SMC2: variants seen among roughly 807,000 people sequenced by gnomAD.
SMC2 encodes structural maintenance of chromosomes protein 2.
A neutral mutation model predicts 142.6 loss-of-function variants in SMC2; 41 were observed. The observed-to-expected ratio is 0.29, with a 90% CI of 0.22 to 0.37. SMC2 has a LOEUF of 0.37. Ranked by LOEUF, SMC2 falls within the 10% of genes least tolerant of loss-of-function variation. The probability of loss-of-function intolerance (pLI) is 1.00; values close to 1 mark genes in which losing one functional copy is unlikely to be tolerated. For synonymous variants in SMC2, 463 were observed against 457.5 expected, an observed-to-expected ratio of 1.01 and a Z score of -0.15; for missense variants, 1,265 against 1,373.7, an observed-to-expected ratio of 0.92 and a Z score of 1.25.
At position 104,134,593 on chromosome 9, in the gene SMC2, T is replaced by TATATTACAA; in HGVS notation, c.3269+24_3269+25insCAAATATTA. 1 of 1,458,176 alleles carries TATATTACAA rather than the reference T, an allele frequency of 6.9e-7. No homozygotes were observed. The highest frequency in any genetic ancestry group is 9.3e-7 in the Non-Finnish European group (1 of 1,072,286). The allele number at this position is 1,458,176 out of a possible 1,614,324, so 90.3% of individuals were successfully genotyped here. ...GGTCAGAGGTGAGGAATCACTTTGC[T>TATATTACAA]ATATTATAATTTTCATTCCTCTTTA... is the stretch of plus-strand genomic sequence containing the variant. On this transcript the variant is annotated intron_variant, in intron 23 of 24. Transcript: ENST00000374793.
At position 104,100,447 on chromosome 9, in the gene SMC2, A is replaced by G. The variant is rs1212940231; in HGVS notation, c.636+14A>G. ...AAATTAAAAGAGGTATATTCTGTAT[A>G]TGTGAGGATAATCTATTAGAATGTC... On this transcript the variant is annotated intron_variant, in intron 7 of 24. Coordinates refer to ENST00000374793, the MANE Select transcript of SMC2 (RefSeq NM_006444.3). 1 of 1,425,410 alleles carries G rather than the reference A, an allele frequency of 7.0e-7. No individual in the cohort carries two copies. The allele number at this position is 1,425,410 out of a possible 1,614,324, so 88.3% of individuals were successfully genotyped here.
chr9:104,101,460 C>A (rs532091270), intron 7 of SMC2, among the ~76,000 whole-genome samples: 1 of 152,268 alleles, frequency 6.6e-6, no homozygotes, highest in South Asian at 2.1e-4. Context: ...CTTTCTAAAT[C>A]TAACAACATG....
intron 23 of SMC2, among the ~76,000 whole-genome samples, chr9:104,137,720 G>A (rs57175238): frequency 0.011 from 1,602 of 152,108 alleles, 42 homozygotes; most frequent in African/African-American, 0.037. Flanking sequence ...GAAACAAAAA[G>A]AAATTTTAAA....
At chr9:104,107,644 A>G (rs903306406) in intron 9 of SMC2, among the ~76,000 whole-genome samples, 57 of 152,172 alleles carry the variant, frequency 3.7e-4, no homozygotes, top group Non-Finnish European at 2.9e-5. Context: ...CTTCTTTTTC[A>G]TTAGTAAGTG....
chr9:104,095,425 A>T lies in SMC2; in HGVS notation c.41A>T (p.Tyr14Phe). The change falls in exon 2 of 25, where the codon TAT (tyrosine) becomes TTT (phenylalanine). Residue 14 changes from tyrosine to phenylalanine, a missense_variant. By Grantham distance (22) the Tyr-to-Phe change is conservative. Transcript: ENST00000374793. ...KSIILEGFKS[Y>F]AQRTEVNGFD... is the part of the protein sequence containing the mutation. ...ATTATTCTAGAGGGATTCAAGTCCT[A>T]TGCTCAGAGGACCGAAGTCAATGGT... is the stretch of plus-strand genomic sequence containing the variant. 6.2e-7 allele frequency: 1 copy of T among 1,613,784 alleles called. No individual in the cohort carries two copies. Among genetic ancestry groups the T allele is most frequent in the Non-Finnish European group, 8.5e-7 (1 of 1,179,918 alleles).
intron 18 of SMC2, among the ~76,000 whole-genome samples, chr9:104,126,341 A>T (rs935640900): frequency 6.6e-6 from 1 of 152,244 alleles, no homozygotes; most frequent in South Asian, 2.1e-4. Context: ...CTTTACTTCC[A>T]GTAATTCATC....
intron 21 of SMC2, among the ~76,000 whole-genome samples, chr9:104,130,725 G>A (rs1834871515): frequency 6.6e-6 from 1 of 152,088 alleles, no homozygotes; most frequent in African/African-American, 2.4e-5. Flanking sequence ...TTAAAGCTTT[G>A]CAATATGTGA....
At chr9:104,112,138 A>G (rs923410521) in intron 10 of SMC2, among the ~76,000 whole-genome samples, 11 of 152,114 alleles carry the variant, frequency 7.2e-5, no homozygotes, top group African/African-American at 2.2e-4. Flanking sequence ...CTTTTTGGCT[A>G]TTTTTATTTT....
intron 19 of SMC2, among the ~76,000 whole-genome samples, chr9:104,127,010 TA>T (rs1834377165): frequency 6.6e-6 from 1 of 150,712 alleles, no homozygotes; most frequent in African/African-American, 2.5e-5. Flanking sequence ...CCATCTACAT[TA>T]CATCTAACAA....
intron 9 of SMC2, among the ~76,000 whole-genome samples, chr9:104,105,570 G>A (rs1422109479): frequency 2.0e-5 from 3 of 152,162 alleles, no homozygotes; most frequent in African/African-American, 7.2e-5. Context: ...CAGAAGGCTT[G>A]CAGCAGTTGA....
intron 3 of SMC2, among the ~76,000 whole-genome samples, chr9:104,097,532 G>A (rs921933247): frequency 1.6e-4 from 20 of 124,862 alleles, no homozygotes; most frequent in African/African-American, 4.7e-4. Context: ...AAAAAGAAGC[G>A]TAGGCCACGT....
At position 104,137,536 on chromosome 9, in the gene SMC2, T is replaced by TTG. The variant is rs1219307639; in HGVS notation, c.3270-472_3270-471dup. 5.3e-5 allele frequency among the ~76,000 whole-genome samples: 8 copies of TTG among 152,074 alleles called. No individual in the cohort carries two copies. In the East Asian group the frequency reaches 1.5e-3, roughly 29 times the overall value. On this transcript the variant is annotated intron_variant, in intron 23 of 24. Transcript: ENST00000374793. ...CAAATGGTACCAAAAAATATATAGA[T>TTG]TGTGTGTGTGTCTGTCTGTGTGTAT...
At chr9:104,127,688 T>G (rs1172647937) in intron 20 of SMC2, among the ~76,000 whole-genome samples, 1 of 152,186 alleles carries the variant, frequency 6.6e-6, no homozygotes, top group Non-Finnish European at 1.5e-5. Context: ...AGATTTAACT[T>G]TAGATATTTT....
At chr9:104,137,280 T>C (rs1017391517) in intron 23 of SMC2, among the ~76,000 whole-genome samples, 9 of 152,138 alleles carry the variant, frequency 5.9e-5, no homozygotes, top group Admixed American at 3.3e-4. Context: ...ATTATACATA[T>C]TTTATATTAA....
At chr9:104,134,300 C>A (rs1835298362) in intron 22 of SMC2, 115 bp from the exon 23 acceptor site, 1 of 640,832 alleles carries the variant, frequency 1.6e-6, no homozygotes, top group South Asian at 3.3e-5. Context: ...TTTGTCAGCC[C>A]CTGAGTTAGA....
intron 2 of SMC2, 80 bp downstream of exon 2, chr9:104,095,632 T>A: frequency 3.8e-6 from 4 of 1,046,302 alleles, no homozygotes; most frequent in Non-Finnish European, 5.7e-6. Context: ...GTCCCGATAT[T>A]CTCTTCATTT....
intron 22 of SMC2, among the ~76,000 whole-genome samples, chr9:104,132,999 T>G (rs1835152163): frequency 6.6e-6 from 1 of 152,126 alleles, no homozygotes; most frequent in African/African-American, 2.4e-5. Context: ...ATTCTCAAAT[T>G]AATTTTCTCA....
At chr9:104,130,076 C>T (rs541459712) in intron 21 of SMC2, among the ~76,000 whole-genome samples, 2 of 151,922 alleles carry the variant, frequency 1.3e-5, no homozygotes, top group African/African-American at 4.8e-5. Flanking sequence ...GGCTTTTGTT[C>T]TTTGTCAAAC....
At chr9:104,135,740 T>A in intron 23 of SMC2, 1 of 442,946 alleles carries the variant, frequency 2.3e-6, no homozygotes, top group Non-Finnish European at 4.4e-6. Flanking sequence ...GACTTTAGAC[T>A]TCTTGTTAAA....
Sources: gnomAD v4.1 joint callset for allele counts (sites outside exome capture counted in the v4.1 genomes callset) on GRCh38, gnomAD v4.1.1 for gene constraint, MANE v1.5 for transcripts, NCBI Gene and HGNC (gene_info 2026-07-23, HGNC 2026-07-21) for gene names.